Variants in SMC5 observed in about 807,000 individuals in gnomAD.
The protein encoded by SMC5 is structural maintenance of chromosomes 5, also known as structural maintenance of chromosomes protein 5.
Under a neutral mutation model 148.3 loss-of-function variants are expected in SMC5, and 88 were observed. The observed-to-expected ratio is 0.59, with a 90% CI of 0.50 to 0.71. The LOEUF (loss-of-function observed/expected upper bound fraction) is 0.71, where lower values mean the gene tolerates loss of function less well. SMC5 is among the 30% of genes least tolerant of loss of function. The pLI, the probability that SMC5 is intolerant of heterozygous loss-of-function variation, is 0.00. For missense variants in SMC5, 1,142 were observed against 1,298.9 expected (o/e 0.88, Z 1.86); for synonymous variants, 421 against 432.8 (o/e 0.97, Z 0.34).
At chr9:70,275,298 C>A (rs566777585) in intron 3 of SMC5, among the ~76,000 whole-genome samples, 8 of 152,180 alleles carry the variant, frequency 5.3e-5, no homozygotes, top group Admixed American at 2.0e-4. Context: ...GCATCCTTGA[C>A]CTCCTTGGTT....
In SMC5 at chr9:70,352,216, A is replaced by G; in HGVS notation, c.3191A>G (p.Glu1064Gly). Residue 1064 changes from glutamate (E) to glycine (G), a missense_variant, in exon 25 of 25, where the codon GAA becomes GGA. Glu to Gly is a moderately conservative substitution (Grantham distance 98). Coordinates refer to ENST00000361138, the MANE Select transcript of SMC5 (RefSeq NM_015110.4). ...CTCCTGCAAAATCTTCCTTATTCTGAAAAGATGACAGTTTTGTTTGTCTAC... is the reference window on the plus strand; with the variant it reads ...CTCCTGCAAAATCTTCCTTATTCTGGAAAGATGACAGTTTTGTTTGTCTAC... Reference protein sequence around the residue: ...PKLLQNLPYSEKMTVLFVYNG... With the variant: ...PKLLQNLPYSGKMTVLFVYNG... 6.2e-7 allele frequency: 1 copy of G among 1,611,450 alleles called. No individual in the cohort carries two copies. Among genetic ancestry groups the G allele is most frequent in the Non-Finnish European group, 8.5e-7 (1 of 1,179,304 alleles).
intron 17 of SMC5, among the ~76,000 whole-genome samples, chr9:70,331,864 C>T (rs2036227937): frequency 6.6e-6 from 1 of 152,118 alleles, no homozygotes; most frequent in African/African-American, 2.4e-5. Flanking sequence ...ACAGGCAGCA[C>T]AGGACAGTGA....
At position 70,278,556 on chromosome 9, in the gene SMC5, T is replaced by A. The variant is rs2034659370; in HGVS notation, c.609T>A (p.Ile203=). 6.2e-7 allele frequency: 1 copy of A among 1,612,420 alleles called. No individual in the cohort carries two copies. The highest frequency in any genetic ancestry group is 2.2e-5 in the East Asian group (1 of 44,750). The part of the protein sequence containing the change: ...IELLEATEKS[I]GPPEMHKYHC... ...TCCTCGAAGCCACTGAAAAGTCAATTGGTCCCCCAGAAATGCACAAATATC... is the reference window on the plus strand; with the variant it reads ...TCCTCGAAGCCACTGAAAAGTCAATAGGTCCCCCAGAAATGCACAAATATC... Residue 203 remains isoleucine (I), a synonymous_variant, in exon 5 of 25, where the codon ATT becomes ATA. Transcript: ENST00000361138.
chr9:70,352,022 A>T (rs967230827), intron 24 of SMC5, among the ~76,000 whole-genome samples, 169 bp from the exon 25 acceptor site: 1 of 152,150 alleles, frequency 6.6e-6, no homozygotes, highest in Admixed American at 6.5e-5. Flanking sequence ...TGGAGGTTGC[A>T]CTGAGCTGAG....
intron 3 of SMC5, among the ~76,000 whole-genome samples, chr9:70,275,127 T>C (rs2034552998): frequency 6.6e-6 from 1 of 152,202 alleles, no homozygotes; most frequent in South Asian, 2.1e-4. Flanking sequence ...GCTCTAAATC[T>C]TGAAAGATGT....
At chr9:70,320,958 A>G (rs1194200431) in intron 15 of SMC5, among the ~76,000 whole-genome samples, 1 of 152,174 alleles carries the variant, frequency 6.6e-6, no homozygotes, top group Non-Finnish European at 1.5e-5. Flanking sequence ...CATTGCTTTT[A>G]CACCGTCAGT....
Position 70,305,341 on chromosome 9 carries a change from T to C in SMC5, c.1559T>C (p.Met520Thr), listed in dbSNP as rs766863833. 6 of 1,597,334 alleles carry C rather than the reference T, an allele frequency of 3.8e-6. No homozygotes were observed. Among genetic ancestry groups the C allele is most frequent in the Admixed American group, 3.4e-5 (2 of 58,118 alleles). The change falls in exon 11 of 25, where the codon ATG becomes ACG. Residue 520 changes from methionine (M) to threonine (T), a missense_variant. Physicochemically the swap from Met to Thr is moderately conservative, Grantham distance 81. Transcript: ENST00000361138. ...TTTGTATTTGAAAGTCAAGAAGATATGGAGGTTTTCCTCAAAGAGGCAAGT... is the reference window on the plus strand; with the variant it reads ...TTTGTATTTGAAAGTCAAGAAGATACGGAGGTTTTCCTCAAAGAGGCAAGT... ...RAFVFESQEDMEVFLKEVRDN... is the reference protein window; with the variant it reads ...RAFVFESQEDTEVFLKEVRDN...
At chr9:70,310,451 A>G (rs2035627284) in intron 11 of SMC5, among the ~76,000 whole-genome samples, 1 of 152,078 alleles carries the variant, frequency 6.6e-6, no homozygotes, top group South Asian at 2.1e-4. Flanking sequence ...GGCTTAAAAT[A>G]CTCAGTAAAC....
At chr9:70,296,418 C>T (rs2035201794) in intron 8 of SMC5, among the ~76,000 whole-genome samples, 1 of 151,998 alleles carries the variant, frequency 6.6e-6, no homozygotes, top group South Asian at 2.1e-4. Flanking sequence ...AAAAATTAAC[C>T]GGGCATGGTG....
rs763384486 is a variant in SMC5, at chr9:70,352,345, A to G, written c.*14A>G. On this transcript the variant is annotated 3_prime_UTR_variant, in exon 25 of 25. Coordinates refer to ENST00000361138, the MANE Select transcript of SMC5 (RefSeq NM_015110.4). ...CAACCTTCTTAATAAAAGTAAAGAG[A>G]GGGAACTTGGGAATTTTTTTTGTTA... The G allele has an allele frequency of 9.5e-6, 15 of 1,574,038 alleles. No individual in the cohort carries two copies. The highest frequency in any genetic ancestry group is 1.3e-5 in the Non-Finnish European group (15 of 1,164,038).
Position 70,352,195 on chromosome 9 carries a change from T to C in SMC5, c.3170T>C (p.Leu1057Pro). 1 of 1,607,782 alleles carries C rather than the reference T, an allele frequency of 6.2e-7. No homozygotes were observed. Among genetic ancestry groups the C allele is most frequent in the Non-Finnish European group, 8.5e-7 (1 of 1,178,274 alleles). The part of the protein sequence containing the change: ...SQYFFITPKL[L>P]QNLPYSEKMT... ...AATTTGTTTTAATACTTACAGCTCCTGCAAAATCTTCCTTATTCTGAAAAG... is the reference window on the plus strand; with the variant it reads ...AATTTGTTTTAATACTTACAGCTCCCGCAAAATCTTCCTTATTCTGAAAAG... The change falls in exon 25 of 25, where the codon CTG becomes CCG. Residue 1057 changes from leucine to proline, a missense_variant. Physicochemically the swap from Leu to Pro is moderately conservative, Grantham distance 98. This residue lies in a region of SMC5 where 63 missense variants were observed against 65.7 expected (regional missense o/e 0.96). Coordinates refer to ENST00000361138, the MANE Select transcript of SMC5 (RefSeq NM_015110.4).
chr9:70,324,100 A>C lies in SMC5; in HGVS notation c.2354A>C (p.Glu785Ala). ...TTVISEKNKL[E>A]SDYMAASSQL... ...GTGATCTCTGAGAAGAACAAATTAG[A>C]ATCAGATTATATGGCCGCATCTTCA... Residue 785 changes from glutamate (E) to alanine (A), a missense_variant, in exon 17 of 25, where the codon GAA becomes GCA. By Grantham distance (107) the Glu-to-Ala change is moderately radical. This residue lies in a region of SMC5 where 743 missense variants were observed against 835.7 expected (regional missense o/e 0.89). Coordinates refer to ENST00000361138, the MANE Select transcript of SMC5 (RefSeq NM_015110.4). The C allele has an allele frequency of 6.2e-7, 1 of 1,600,370 alleles. No individual in the cohort carries two copies. The highest frequency in any genetic ancestry group is 8.5e-7 in the Non-Finnish European group (1 of 1,177,532).
chr9:70,345,873 C>T (rs1187618965), intron 18 of SMC5, among the ~76,000 whole-genome samples: 1 of 151,986 alleles, frequency 6.6e-6, no homozygotes, highest in Non-Finnish European at 1.5e-5. Context: ...CTTTGGACCA[C>T]GTAAGAGATA....
chr9:70,344,194 C>G lies in SMC5; in HGVS notation c.2448C>G (p.Cys816Trp). 6.4e-7 allele frequency: 1 copy of G among 1,559,554 alleles called. No individual in the cohort carries two copies. Among genetic ancestry groups the G allele is most frequent in the Non-Finnish European group, 8.7e-7 (1 of 1,151,086 alleles). Residue 816 changes from cysteine to tryptophan, a missense_variant, in exon 18 of 25, where the codon TGC (cysteine) becomes TGG (tryptophan). By Grantham distance (215) the Cys-to-Trp change is radical. Transcript: ENST00000361138. ...ATAGACAGAGATTATTGCAGAAATGCAAGGAACTTATGAAAAGAGCTAGGC... is the reference window on the plus strand; with the variant it reads ...ATAGACAGAGATTATTGCAGAAATGGAAGGAACTTATGAAAAGAGCTAGGC... ...DENRQRLLQK[C>W]KELMKRARQV...
At chr9:70,333,623 C>T (rs544773273) in intron 17 of SMC5, among the ~76,000 whole-genome samples, 6 of 152,164 alleles carry the variant, frequency 3.9e-5, no homozygotes, top group South Asian at 2.1e-4. Flanking sequence ...CCCAGCTACT[C>T]GGGAGGCTGA....
chr9:70,271,144 TTGGATTTTGGAG>T (rs2034440110), intron 3 of SMC5, among the ~76,000 whole-genome samples: 1 of 7,632 alleles, frequency 1.3e-4, no homozygotes, highest in Admixed American at 2.1e-3. Context: ...ACAAGAAGTT[TTGGATTTTGGAG>T]CATTTTGGAT....
chr9:70,286,014 T>A (rs1202827400), intron 7 of SMC5, among the ~76,000 whole-genome samples, 186 bp from the exon 8 acceptor site: 6 of 152,212 alleles, frequency 3.9e-5, no homozygotes, highest in African/African-American at 7.2e-5. Flanking sequence ...AACTGTTTAT[T>A]AATATCATTA....
At position 70,259,254 on chromosome 9, in the gene SMC5, A is replaced by T; in HGVS notation, c.176A>T (p.Glu59Val). The change falls in exon 1 of 25, where the codon GAG becomes GTG. Residue 59 changes from glutamate (E) to valine (V), a missense_variant. By Grantham distance (121) the Glu-to-Val change is moderately radical. Around this residue, in one of 5 missense-constraint regions of SMC5, gnomAD observed 297 missense variants for 302.6 expected, o/e 0.98. Transcript: ENST00000361138. Reference sequence around the variant, plus strand: ...GGCTCTATCGTCCGCATCTCGATGGAGAACTTCCTGTAAGTTGCCCGGAGG... The same window carrying T: ...GGCTCTATCGTCCGCATCTCGATGGTGAACTTCCTGTAAGTTGCCCGGAGG... Reference protein sequence around the residue: ...VEGSIVRISMENFLTYDICEV... With the variant: ...VEGSIVRISMVNFLTYDICEV... The T allele has an allele frequency of 7.6e-6, 12 of 1,586,302 alleles. No individual in the cohort carries two copies. The highest frequency in any genetic ancestry group is 1.0e-5 in the Non-Finnish European group (12 of 1,165,394).
At chr9:70,307,505 CT>C (rs918068080) in intron 11 of SMC5, among the ~76,000 whole-genome samples, 136 of 147,072 alleles carry the variant, frequency 9.2e-4, no homozygotes, top group Admixed American at 1.4e-3. Flanking sequence ...TAATTCATTA[CT>C]TTTTTTTTTT....
Sources: gnomAD v4.1 joint callset for allele counts (sites outside exome capture counted in the v4.1 genomes callset) on GRCh38, gnomAD v4.1.1 for gene constraint, gnomAD v4.1.1 regional missense constraint, MANE v1.5 for transcripts, NCBI Gene and HGNC (gene_info 2026-07-23, HGNC 2026-07-21) for gene names.